MYO16: variants seen among roughly 807,000 people sequenced by gnomAD.
MYO16 encodes unconventional myosin-XVI.
A neutral mutation model predicts 205.3 loss-of-function variants in MYO16; 94 were observed. That is an observed-to-expected ratio of 0.46 (90% CI 0.39 to 0.54). MYO16 has a LOEUF of 0.54. Among genes scored for constraint, MYO16 ranks in the 20% least tolerant of loss-of-function variants. MYO16 has a pLI of 0.00. For synonymous variants in MYO16, 988 were observed against 954.0 expected, an observed-to-expected ratio of 1.04 and a Z score of -0.66; for missense variants, 2,315 against 2,387.5, an observed-to-expected ratio of 0.97 and a Z score of 0.63.
At chr13:108,872,646 ATG>A (rs1198753329) in intron 12 of MYO16, among the ~76,000 whole-genome samples, 1 of 151,266 alleles carries the variant, frequency 6.6e-6, no homozygotes, top group African/African-American at 2.4e-5. Context: ...AAATCTATAT[ATG>A]TTTCAATATA....
At chr13:108,597,971 G>T (rs1878622187) in intron 1 of MYO16, among the ~76,000 whole-genome samples, 1 of 152,144 alleles carries the variant, frequency 6.6e-6, no homozygotes, top group Non-Finnish European at 1.5e-5. Flanking sequence ...CAAGTGAGAA[G>T]TTGCCTTAGA....
intron 20 of MYO16, among the ~76,000 whole-genome samples, chr13:108,986,016 G>A (rs978867673): frequency 2.0e-5 from 3 of 152,186 alleles, no homozygotes; most frequent in Non-Finnish European, 1.5e-5. Context: ...ATGGCAGAAG[G>A]CGAAGGAGGA....
intron 11 of MYO16, among the ~76,000 whole-genome samples, chr13:108,862,941 T>C (rs1878517551): frequency 6.6e-6 from 1 of 152,190 alleles, no homozygotes. Context: ...TTCTTCATAT[T>C]TTGAGGACAT....
chr13:108,635,463 A>G (rs1368747120), intron 1 of MYO16, among the ~76,000 whole-genome samples: 1 of 151,848 alleles, frequency 6.6e-6, no homozygotes, highest in Non-Finnish European at 1.5e-5. Context: ...GGAAATATTA[A>G]TGTTTCTCTT....
chr13:108,530,921 C>T, the MYO16 span, among the ~76,000 whole-genome samples: 1 of 151,524 alleles, frequency 6.6e-6, no homozygotes, highest in East Asian at 1.9e-4. Context: ...GTTTTTCTTG[C>T]GTTTGTTTAT....
At chr13:108,826,256 A>C (rs1041114137) in intron 9 of MYO16, among the ~76,000 whole-genome samples, 6 of 152,140 alleles carry the variant, frequency 3.9e-5, no homozygotes, top group African/African-American at 1.4e-4. Flanking sequence ...TGAGAATCCA[A>C]AAAGAACCCC....
chr13:109,081,965 C>T (rs928773978), intron 27 of MYO16, among the ~76,000 whole-genome samples: 3 of 152,160 alleles, frequency 2.0e-5, no homozygotes, highest in Admixed American at 6.5e-5. Context: ...CATTGTTACA[C>T]GTCCATACCC....
chr13:109,046,117 G>A (rs1286755977), intron 23 of MYO16, among the ~76,000 whole-genome samples: 2 of 151,954 alleles, frequency 1.3e-5, no homozygotes, highest in Non-Finnish European at 2.9e-5. Context: ...TTGCTCAGGA[G>A]TAAAGAGGCC....
chr13:108,676,741 A>G (rs1882229364), intron 2 of MYO16, among the ~76,000 whole-genome samples: 1 of 152,114 alleles, frequency 6.6e-6, no homozygotes, highest in African/African-American at 2.4e-5. Flanking sequence ...GCCAGAGGAG[A>G]GGCGTGGTTT....
intron 32 of MYO16, among the ~76,000 whole-genome samples, chr13:109,153,325 G>T (rs1594133566): frequency 6.6e-6 from 1 of 152,222 alleles, no homozygotes; most frequent in South Asian, 2.1e-4. Context: ...GCCTTATCCT[G>T]CACAGTAAAA....
At chr13:108,943,234 G>A (rs1882800648) in intron 16 of MYO16, among the ~76,000 whole-genome samples, 1 of 152,086 alleles carries the variant, frequency 6.6e-6, no homozygotes, top group Non-Finnish European at 1.5e-5. Context: ...TTGATAAACT[G>A]GTGCCTTTAA....
chr13:109,065,502 G>T (rs755568482), intron 27 of MYO16: 66 of 399,700 alleles, frequency 1.7e-4, no homozygotes, highest in Non-Finnish European at 2.7e-4. Flanking sequence ...AGAATTGAAA[G>T]AAAGGGTAAT....
intron 2 of MYO16, among the ~76,000 whole-genome samples, chr13:108,698,879 A>G (rs755551813): frequency 3.3e-5 from 5 of 152,272 alleles, no homozygotes; most frequent in Middle Eastern, 3.4e-3. Flanking sequence ...ATTTCTCACA[A>G]TAATATCATA....
intron 1 of MYO16, among the ~76,000 whole-genome samples, chr13:108,661,403 C>T (rs1192201219): frequency 6.6e-6 from 1 of 151,974 alleles, no homozygotes; most frequent in East Asian, 1.9e-4. Context: ...TTTTCTTCTT[C>T]CTCAAGTACA....
In MYO16 at chr13:108,883,059, G is replaced by T; in HGVS notation, c.1426G>T (p.Val476Leu). ...YKELPIYSSMVSQLYFSSSGK... is the reference protein window; with the variant it reads ...YKELPIYSSMLSQLYFSSSGK... ...CCCTTGCTGCTGCCCTGTTTTCCAG[G>T]TGTCCCAGCTGTATTTCAGCTCCTC... The change falls in exon 13 of 35, where the codon GTG becomes TTG. Residue 476 changes from valine (V) to leucine (L), a missense_variant and splice_region_variant. By Grantham distance (32) the Val-to-Leu change is conservative. Coordinates refer to ENST00000457511, the MANE Select transcript of MYO16 (RefSeq NM_001198950.3). The T allele has an allele frequency of 6.2e-7, 1 of 1,613,758 alleles. No individual in the cohort carries two copies. The highest frequency in any genetic ancestry group is 8.5e-7 in the Non-Finnish European group (1 of 1,179,782).
intron 1 of MYO16, among the ~76,000 whole-genome samples, chr13:108,648,932 TTC>T (rs939873631): frequency 6.6e-6 from 1 of 151,622 alleles, no homozygotes; most frequent in African/African-American, 2.4e-5. Context: ...CTGCATCTCT[TTC>T]TCTCTCTTTT....
In MYO16 at chr13:108,849,469, G is replaced by A. The variant is rs1877710449; in HGVS notation, c.1248+4976G>A. ...GCCTCCCAAAGTGCTGGGATTACAG[G>A]CATGAGCCACTGTGCCCATCTAACA... is the stretch of plus-strand genomic sequence containing the variant. On this transcript the variant is annotated intron_variant, in intron 10 of 34. Transcript: ENST00000457511. 2.6e-5 allele frequency among the ~76,000 whole-genome samples: 4 copies of A among 151,636 alleles called. No homozygotes were observed. In the South Asian group the frequency reaches 8.3e-4, roughly 32 times the overall value.
At chr13:108,679,279 A>G (rs879644127) in intron 2 of MYO16, among the ~76,000 whole-genome samples, 26 of 151,968 alleles carry the variant, frequency 1.7e-4, no homozygotes, top group Non-Finnish European at 2.8e-4. Context: ...CATCAACCCA[A>G]CCCTCTCACT....
rs1370681303 is a variant in MYO16, at chr13:108,884,195, A to G, written c.1553+1009A>G. ...AAAATGGTATAAAGTTAGAACCTGG[A>G]TAGAATTCAAAAGGCTTATTTAAAT... is the stretch of plus-strand genomic sequence containing the variant. On this transcript the variant is annotated intron_variant, in intron 13 of 34. Coordinates refer to ENST00000457511, the MANE Select transcript of MYO16 (RefSeq NM_001198950.3). Among the ~76,000 whole-genome samples, 6 of 152,226 alleles carry G rather than the reference A, an allele frequency of 3.9e-5. No individual in the cohort carries two copies. The East Asian group carries it at 1.2e-3, about 29-fold the overall frequency.
Sources: allele counts gnomAD v4.1 joint callset (sites outside exome capture counted in the v4.1 genomes callset), GRCh38; gene constraint gnomAD v4.1.1; transcripts MANE v1.5; gene names NCBI Gene and HGNC (gene_info 2026-07-23, HGNC 2026-07-21).